Variants in ANK3 observed in about 807,000 individuals in gnomAD.
ANK3 encodes ankyrin 3.
In ANK3, 57 loss-of-function variants were observed where a neutral mutation model predicts 370.9. The observed-to-expected ratio is 0.15, with a 90% CI of 0.12 to 0.19. ANK3 has a LOEUF of 0.19. Ranked by LOEUF, ANK3 falls within the 10% of genes least tolerant of loss-of-function variation. The pLI, the probability that ANK3 is intolerant of heterozygous loss-of-function variation, is 1.00. For missense variants in ANK3, 4,439 were observed against 5,302.1 expected (o/e 0.84, Z 5.06); for synonymous variants, 1,929 against 1,946.3 (o/e 0.99, Z 0.23).
At chr10:60,656,854 C>T (rs761304663) in intron 1 of ANK3, among the ~76,000 whole-genome samples, 5 of 152,096 alleles carry the variant, frequency 3.3e-5, no homozygotes, top group Middle Eastern at 3.4e-3. Context: ...ATCTCCTGGG[C>T]TCAAGAAATC....
At chr10:60,179,422 C>T (rs559283886) in intron 18 of ANK3, among the ~76,000 whole-genome samples, 2 of 152,178 alleles carry the variant, frequency 1.3e-5, no homozygotes, top group Admixed American at 6.5e-5. Flanking sequence ...TGGCCGGGAA[C>T]GGTGGCTCAT....
intron 25 of ANK3, among the ~76,000 whole-genome samples, chr10:60,125,607 G>T (rs556484594): frequency 2.0e-5 from 3 of 152,112 alleles, no homozygotes; most frequent in Non-Finnish European, 4.4e-5. Flanking sequence ...CACCATGCAC[G>T]TTTCTGAGCA....
rs1215903315 is a variant in ANK3, at chr10:60,076,027, A to T, written c.4854T>A (p.Ser1618=). The T allele has an allele frequency of 1.9e-6, 3 of 1,614,094 alleles. No individual in the cohort carries two copies. Among genetic ancestry groups the T allele is most frequent in the Non-Finnish European group, 2.5e-6 (3 of 1,180,020 alleles). Residue 1618 remains serine, a synonymous_variant, in exon 37 of 44, where the codon TCT becomes TCA. Coordinates refer to ENST00000280772, the MANE Select transcript of ANK3 (RefSeq NM_020987.5). The part of the protein sequence containing the change: ...ATPLKGLASN[S]TFSSRTSPVT... ...CTGGAGAGGTTCGAGAGGAAAACGT[A>T]GAATTGGATGCCAGCCCTTTTAAGG... is the stretch of plus-strand genomic sequence containing the variant.
chr10:60,622,110 C>A (rs564667401), intron 1 of ANK3, among the ~76,000 whole-genome samples: 1 of 152,226 alleles, frequency 6.6e-6, no homozygotes, highest in South Asian at 2.1e-4. Context: ...TGGGTGAATG[C>A]TTGATAAATA....
chr10:60,086,707 G>T lies in ANK3; in HGVS notation c.3718C>A (p.Pro1240Thr), dbSNP rs1474890342. The change falls in exon 30 of 44, where the codon CCC (proline) becomes ACC (threonine). Residue 1240 changes from proline (P) to threonine (T), a missense_variant. Around this residue, in one of 13 missense-constraint regions of ANK3, gnomAD observed 702 missense variants for 941.5 expected, o/e 0.75. Transcript: ENST00000280772. ...VSNGYKGDTT[P>T]NLRLLCSITG... ...ATGCTACAGAGAAGACGCAGATTGG[G>T]TGTAGTGTCCCCTTTGTATCCATTG... 6.2e-7 allele frequency: 1 copy of T among 1,613,942 alleles called. No individual in the cohort carries two copies. Among genetic ancestry groups the T allele is most frequent in the African/African-American group, 1.3e-5 (1 of 75,008 alleles).
chr10:60,090,216 G>A (rs1243341484), intron 28 of ANK3, among the ~76,000 whole-genome samples: 2 of 152,028 alleles, frequency 1.3e-5, no homozygotes, highest in East Asian at 3.9e-4. Flanking sequence ...TACTTGGGGT[G>A]CTGAGACAGG....
At chr10:60,449,312 A>T (rs1595056531) in intron 2 of ANK3, among the ~76,000 whole-genome samples, 1 of 152,200 alleles carries the variant, frequency 6.6e-6, no homozygotes, top group Non-Finnish European at 1.5e-5. Flanking sequence ...TATTATTTCA[A>T]CATTTCAATA....
chr10:60,400,164 A>G (rs2063326346), intron 2 of ANK3, among the ~76,000 whole-genome samples: 1 of 152,110 alleles, frequency 6.6e-6, no homozygotes, highest in Non-Finnish European at 1.5e-5. Context: ...TGTGTAATGG[A>G]TATTACTTTG....
At chr10:60,320,733 T>C (rs2048451309) in intron 1 of ANK3, among the ~76,000 whole-genome samples, 1 of 152,196 alleles carries the variant, frequency 6.6e-6, no homozygotes, top group Non-Finnish European at 1.5e-5. Context: ...CCCATCTATT[T>C]TGGATGGGAT....
At chr10:60,529,394 A>G (rs946287901) in intron 2 of ANK3, among the ~76,000 whole-genome samples, 3 of 152,196 alleles carry the variant, frequency 2.0e-5, no homozygotes, top group African/African-American at 4.8e-5. Context: ...ACATGGTGGA[A>G]GAGGCTGTCA....
At chr10:60,612,667 A>AT (rs2133319648) in intron 2 of ANK3, among the ~76,000 whole-genome samples, 1 of 152,052 alleles carries the variant, frequency 6.6e-6, no homozygotes, top group South Asian at 2.1e-4. Context: ...AATTTTTTGT[A>AT]TTTTTAGTAG....
At chr10:60,200,757 T>C (rs553932024) in intron 12 of ANK3, among the ~76,000 whole-genome samples, 24 of 152,224 alleles carry the variant, frequency 1.6e-4, no homozygotes, top group Non-Finnish European at 3.1e-4. Context: ...AAATTCAGAA[T>C]TAAAAACAAA....
At chr10:60,143,005 T>C (rs1381021120) in intron 23 of ANK3, among the ~76,000 whole-genome samples, 1 of 152,114 alleles carries the variant, frequency 6.6e-6, no homozygotes, top group East Asian at 1.9e-4. Flanking sequence ...CTGGGGAGAT[T>C]TAAATGAAAT....
At chr10:60,339,494 G>A (rs2053770637) in intron 1 of ANK3, among the ~76,000 whole-genome samples, 1 of 152,128 alleles carries the variant, frequency 6.6e-6, no homozygotes. Flanking sequence ...CACTTCATCT[G>A]AGCAGGCTGT....
chr10:60,411,889 T>A (rs914803617), intron 2 of ANK3, among the ~76,000 whole-genome samples: 7 of 152,248 alleles, frequency 4.6e-5, no homozygotes, highest in South Asian at 2.1e-4. Flanking sequence ...GAGTCAAATT[T>A]AAAAAAATTA....
chr10:60,059,847 C>T (rs774298829), intron 40 of ANK3: 1 of 1,614,212 alleles, frequency 6.2e-7, no homozygotes, highest in Non-Finnish European at 8.5e-7. Context: ...CTCTATGTTC[C>T]CCTGGGAAGG....
At chr10:60,655,930 T>A (rs766612843) in intron 1 of ANK3, among the ~76,000 whole-genome samples, 1 of 152,234 alleles carries the variant, frequency 6.6e-6, no homozygotes, top group Non-Finnish European at 1.5e-5. Flanking sequence ...TACAGTAACA[T>A]GCTACACAGG....
At chr10:60,382,816 T>C (rs1446964336) in intron 1 of ANK3, among the ~76,000 whole-genome samples, 3 of 147,866 alleles carry the variant, frequency 2.0e-5, no homozygotes, top group African/African-American at 7.5e-5. Context: ...TATATATATA[T>C]ATATATATAT....
At chr10:60,172,176 CAAT>C (rs747144449) in intron 21 of ANK3, 129 bp downstream of exon 21, 19 of 651,804 alleles carry the variant, frequency 2.9e-5, no homozygotes, top group Non-Finnish European at 4.9e-5. Context: ...TGACTACCAA[CAAT>C]GAGGTGACTG....
Sources: allele counts gnomAD v4.1 joint callset (sites outside exome capture counted in the v4.1 genomes callset), GRCh38; gene constraint gnomAD v4.1.1; regional missense constraint gnomAD v4.1.1; transcripts MANE v1.5; gene names NCBI Gene and HGNC (gene_info 2026-07-23, HGNC 2026-07-21).